NRG2: variants seen among roughly 807,000 people sequenced by gnomAD.
NRG2 encodes pro-neuregulin-2, membrane-bound isoform.
A neutral mutation model predicts 73.9 loss-of-function variants in NRG2; 27 were observed. The ratio of observed to expected loss-of-function variants is 0.37; its 90% CI spans 0.27 to 0.50. The LOEUF is 0.50. NRG2 is among the 20% of genes least tolerant of loss of function. The pLI, the probability that NRG2 is intolerant of heterozygous loss-of-function variation, is 0.96. For missense variants in NRG2, 1,126 were observed against 1,210.1 expected (o/e 0.93, Z 1.03); for synonymous variants, 532 against 541.0 (o/e 0.98, Z 0.23).
At chr5:139,849,900 GC>G (rs981527453) in intron 9 of NRG2, among the ~76,000 whole-genome samples, 1 of 152,196 alleles carries the variant, frequency 6.6e-6, no homozygotes, top group Non-Finnish European at 1.5e-5. Context: ...TAAAGTCACA[GC>G]TCTGCTGAAG....
chr5:139,848,400 G>A lies in NRG2; in HGVS notation c.2070C>T (p.Thr690=). The change falls in exon 10 of 10, where the codon ACC becomes ACT. Residue 690 remains threonine (T), a synonymous_variant. Transcript: ENST00000361474. ...TGCCCAGGCTGCCGCCGAGCGCGCAGGTCCCGCGCCGCGGTCCGGGCCCCG... is the reference window on the plus strand; with the variant it reads ...TGCCCAGGCTGCCGCCGAGCGCGCAAGTCCCGCGCCGCGGTCCGGGCCCCG... ...PAAGPGPRRG[T]CALGGSLGSL... 1 of 1,265,458 alleles carries A rather than the reference G, an allele frequency of 7.9e-7. No individual in the cohort carries two copies. The allele number at this position is 1,265,458 out of a possible 1,614,324, so 78.4% of individuals were successfully genotyped here. A position where few individuals can be genotyped will look rare whatever the true frequency, so the allele number is the denominator to read the frequency against.
intron 1 of NRG2, among the ~76,000 whole-genome samples, chr5:140,012,397 C>T (rs1246896051): frequency 1.3e-5 from 2 of 152,202 alleles, no homozygotes; most frequent in Non-Finnish European, 2.9e-5. Context: ...TCACTATATA[C>T]ACAAAGTAAT....
intron 2 of NRG2, among the ~76,000 whole-genome samples, chr5:139,882,869 G>A (rs1763620295): frequency 6.6e-6 from 1 of 152,122 alleles, no homozygotes; most frequent in Non-Finnish European, 1.5e-5. Context: ...GGAGAAGGCA[G>A]GCACAGGTCT....
chr5:140,014,720 T>A (rs1243515526), intron 1 of NRG2, among the ~76,000 whole-genome samples: 1 of 152,176 alleles, frequency 6.6e-6, no homozygotes, highest in Non-Finnish European at 1.5e-5. Flanking sequence ...ACCTAACTGG[T>A]TTCCCTGCTT....
rs553382747 is a variant in NRG2, at chr5:139,870,266, T to A, written c.1112+1455A>T. ...GGCGGGGAAGGATGAGGGGCTGAGT[T>A]TGGGTTGAGAACTTCCCTAGAGGGC... On this transcript the variant is annotated intron_variant, in intron 4 of 9. Coordinates refer to ENST00000361474, the MANE Select transcript of NRG2 (RefSeq NM_004883.3). The surrounding 1 kb of genome is among the most constrained non-coding windows in gnomAD (Gnocchi z 4.4). Among the ~76,000 whole-genome samples, 1 of 152,100 alleles carries A rather than the reference T, an allele frequency of 6.6e-6. No homozygotes were observed. The highest frequency in any genetic ancestry group is 2.1e-4 in the South Asian group (1 of 4,796).
At chr5:139,988,292 C>G (rs1188476825) in intron 1 of NRG2, among the ~76,000 whole-genome samples, 1 of 152,008 alleles carries the variant, frequency 6.6e-6, no homozygotes, top group East Asian at 1.9e-4. Flanking sequence ...AGCAATTGAG[C>G]TCTCTGGTAT....
intron 1 of NRG2, among the ~76,000 whole-genome samples, chr5:139,979,002 C>T (rs1015810958): frequency 5.4e-5 from 8 of 147,230 alleles, no homozygotes; most frequent in African/African-American, 1.0e-4. Context: ...AACCAAACAC[C>T]GCGTGTTCTC....
At chr5:139,933,742 C>A (rs1184439839) in intron 1 of NRG2, among the ~76,000 whole-genome samples, 1 of 152,152 alleles carries the variant, frequency 6.6e-6, no homozygotes, top group Non-Finnish European at 1.5e-5. Context: ...AACTACCTTA[C>A]CTAATTTACA....
At position 140,042,834 on chromosome 5, in the gene NRG2, C is replaced by CGGGCTGCG. The variant is rs776170533; in HGVS notation, c.228_235dup (p.Arg79ProfsTer18). On this transcript the variant is annotated frameshift_variant, in exon 1 of 10. Transcript: ENST00000361474. LOFTEE classifies it high-confidence loss of function. ...GGCTCGCGAACGGGCGGCGGCTCTC[C>CGGGCTGCG]GGGCTGCGGGGCTGCGGGGCTGCGG... 40 of 1,480,498 alleles carry CGGGCTGCG rather than the reference C, an allele frequency of 2.7e-5. No individual in the cohort carries two copies. Among genetic ancestry groups the CGGGCTGCG allele is most frequent in the East Asian group, 2.5e-4 (9 of 35,948 alleles). The allele number at this position is 1,480,498 out of a possible 1,614,324, so 91.7% of individuals were successfully genotyped here.
chr5:139,882,186 G>A (rs1178699797), intron 2 of NRG2, among the ~76,000 whole-genome samples: 1 of 152,152 alleles, frequency 6.6e-6, no homozygotes, highest in African/African-American at 2.4e-5. Flanking sequence ...CTGAGCCTAG[G>A]GGATGTAAAA....
chr5:139,875,305 C>T (rs1272601827), intron 3 of NRG2, among the ~76,000 whole-genome samples: 4 of 152,174 alleles, frequency 2.6e-5, no homozygotes, highest in Non-Finnish European at 5.9e-5. Flanking sequence ...GCCACCGTGC[C>T]CAGCCAACTG....
intron 1 of NRG2, among the ~76,000 whole-genome samples, chr5:140,014,390 C>A (rs1759609960): frequency 6.6e-6 from 1 of 152,078 alleles, no homozygotes; most frequent in South Asian, 2.1e-4. Flanking sequence ...GCATGCACCA[C>A]CATGCCCAGA....
At chr5:140,003,528 A>T (rs1758657202) in intron 1 of NRG2, among the ~76,000 whole-genome samples, 1 of 152,278 alleles carries the variant, frequency 6.6e-6, no homozygotes, top group East Asian at 1.9e-4. Flanking sequence ...GACCTCTAAG[A>T]GTTGGAAAAG....
At chr5:139,927,040 T>C (rs1216888170) in intron 1 of NRG2, among the ~76,000 whole-genome samples, 1 of 152,158 alleles carries the variant, frequency 6.6e-6, no homozygotes, top group Non-Finnish European at 1.5e-5. Context: ...GCTGCCTGGC[T>C]CCTACAGGGA....
intron 1 of NRG2, among the ~76,000 whole-genome samples, chr5:139,930,384 C>G (rs919695222): frequency 2.0e-5 from 3 of 152,090 alleles, no homozygotes; most frequent in Admixed American, 2.0e-4. Context: ...CTAAAGAATC[C>G]CTGCAAAGAG....
At chr5:139,866,852 G>C (rs1269711187) in intron 4 of NRG2, among the ~76,000 whole-genome samples, 1 of 152,154 alleles carries the variant, frequency 6.6e-6, no homozygotes, top group Non-Finnish European at 1.5e-5. Context: ...GCAAATTTCT[G>C]GAGGACATGC....
intron 1 of NRG2, among the ~76,000 whole-genome samples, chr5:139,992,133 C>T (rs1757680968): frequency 1.3e-5 from 2 of 152,114 alleles, no homozygotes. Flanking sequence ...TGTTATCTCC[C>T]TTAATTTATT....
intron 5 of NRG2, among the ~76,000 whole-genome samples, chr5:139,860,194 G>A (rs1424734226): frequency 6.6e-6 from 1 of 152,158 alleles, no homozygotes; most frequent in Non-Finnish European, 1.5e-5. Flanking sequence ...GTTAGTACCT[G>A]GTGGCGAGGC....
intron 3 of NRG2, among the ~76,000 whole-genome samples, chr5:139,875,855 T>C (rs1581835038): frequency 6.6e-6 from 1 of 152,280 alleles, no homozygotes; most frequent in Non-Finnish European, 1.5e-5. Flanking sequence ...GTGGTGAGGA[T>C]GTGGAGAAAT....
Sources: gnomAD v4.1 joint callset for allele counts (sites outside exome capture counted in the v4.1 genomes callset) on GRCh38, gnomAD v4.1.1 for gene constraint, Gnocchi (gnomAD v3.1) non-coding constraint, MANE v1.5 for transcripts, NCBI Gene and HGNC (gene_info 2026-07-23, HGNC 2026-07-21) for gene names.